The following PRAMEF5 variants were observed in gnomAD, a reference collection of about 807,000 sequenced individuals.
PRAMEF5 encodes the protein PRAME family member 5, also known as PRAME family member 23.
A neutral mutation model predicts 16.4 loss-of-function variants in PRAMEF5; 5 were observed. The observed-to-expected ratio is 0.30, with a 90% confidence interval of 0.16 to 0.64. PRAMEF5 has a LOEUF of 0.64. Ranked by LOEUF, PRAMEF5 falls within the 30% of genes least tolerant of loss-of-function variation. The pLI, the probability that PRAMEF5 is intolerant of heterozygous loss-of-function variation, is 0.80. For missense variants in PRAMEF5, 36 were observed against 282.9 expected (o/e 0.13, Z 6.26); for synonymous variants, 19 against 107.3 (o/e 0.18, Z 5.09).
chr1:13,255,837 A>C (rs1356268118), intron 1 of PRAMEF5: 1 of 137,010 alleles, frequency 7.3e-6, no homozygotes, highest in African/African-American at 2.6e-5. Flanking sequence ...GCTGGAGTTC[A>C]GTGGTGTATT....
intron 1 of PRAMEF5, chr1:13,255,826 G>A (rs1181177802): frequency 7.4e-6 from 1 of 134,454 alleles, no homozygotes; most frequent in Non-Finnish European, 1.6e-5. Context: ...CTATTTCCCA[G>A]GCTGGAGTTC....
intron 1 of PRAMEF5, chr1:13,255,812 T>C (rs1255749622): frequency 1.6e-5 from 2 of 121,572 alleles, no homozygotes; most frequent in African/African-American, 5.6e-5. Context: ...TTTTTGAATC[T>C]AGCCTATTTC....
intron 2 of PRAMEF5, 145 bp from the exon 3 acceptor site, chr1:13,260,077 G>A (rs1362788096): frequency 7.4e-7 from 1 of 1,346,860 alleles, no homozygotes; most frequent in African/African-American, 1.4e-5. Context: ...TGTGGAAGTG[G>A]GCAGGATCCA....
chr1:13,255,988 G>T (rs1485422914), intron 1 of PRAMEF5: 1 of 143,856 alleles, frequency 7.0e-6, no homozygotes, highest in East Asian at 2.2e-4. Flanking sequence ...TACCATGTTG[G>T]CCAGGCTTGT....
At chr1:13,263,094 G>C in exon 4 of PRAMEF5, 1 of 1,197,972 alleles carries the variant, frequency 8.3e-7, no homozygotes, top group Non-Finnish European at 1.2e-6. Flanking sequence ...CCTGGAGGCA[G>C]ATCAATGCTG....
At chr1:13,260,572 A>C in exon 3 of PRAMEF5, 2 of 761,128 alleles carry the variant, frequency 2.6e-6, no homozygotes, top group Non-Finnish European at 3.9e-6. Context: ...GTGGAAGTGA[A>C]TTGCAAGTGG....
chr1:13,260,092 GA>G, intron 2 of PRAMEF5, 129 bp from the exon 3 acceptor site: 1 of 1,478,936 alleles, frequency 6.8e-7, no homozygotes, highest in East Asian at 2.4e-5. Context: ...GATCCAAGGG[GA>G]AAACAGGGTG....
intron 2 of PRAMEF5, chr1:13,259,853 C>A (rs1639365126): frequency 3.2e-6 from 1 of 310,346 alleles, no homozygotes; most frequent in African/African-American, 2.6e-5. Flanking sequence ...AGTTGGAGGC[C>A]AGCCTGTCCA....
chr1:13,262,428 C>A lies in PRAMEF5; in HGVS notation c.870-122C>A. ...ATCATCCTAAATGTTGACCATCAGGCCATCAGAATGACCCTGGACTTGGGC... is the reference window on the plus strand; with the variant it reads ...ATCATCCTAAATGTTGACCATCAGGACATCAGAATGACCCTGGACTTGGGC... On this transcript the variant is annotated intron_variant, in intron 3 of 3. Transcript: ENST00000622421. 4 of 493,248 alleles carry A rather than the reference C, an allele frequency of 8.1e-6. 1 individual carries two copies. The highest frequency in any genetic ancestry group is 1.2e-5 in the Non-Finnish European group (4 of 342,224). The allele number at this position is 493,248 out of a possible 1,614,324, so 30.6% of individuals were successfully genotyped here.
At chr1:13,260,338 T>G in exon 3 of PRAMEF5, 3 of 1,599,280 alleles carry the variant, frequency 1.9e-6, no homozygotes, top group Non-Finnish European at 2.6e-6. Flanking sequence ...AAAAAACCAG[T>G]GCAGGACTGT....
intron 3 of PRAMEF5, chr1:13,262,143 C>A (rs1447120468): frequency 2.2e-5 from 3 of 136,950 alleles, no homozygotes; most frequent in African/African-American, 8.8e-5. Flanking sequence ...CTCACTGCAA[C>A]CTACACCTCC....
chr1:13,260,058 A>T (rs1553173669), intron 2 of PRAMEF5, 164 bp from the exon 3 acceptor site: 25 of 1,084,594 alleles, frequency 2.3e-5, no homozygotes, highest in Admixed American at 5.0e-5. Context: ...CAAAAGAAAA[A>T]CAAAAAAATG....
At chr1:13,255,507 T>TTC (rs1553193038) in intron 1 of PRAMEF5, 3 of 23,842 alleles carry the variant, frequency 1.3e-4, no homozygotes, top group African/African-American at 3.0e-4. Flanking sequence ...CTTTCAAGTT[T>TTC]TTTCTTTCTG....
intron 2 of PRAMEF5, 153 bp from the exon 3 acceptor site, chr1:13,260,069 T>G: frequency 2.4e-6 from 3 of 1,228,294 alleles, no homozygotes. Context: ...CAAAAAAATG[T>G]GGAAGTGGGC....
intron 2 of PRAMEF5, 116 bp from the exon 3 acceptor site, chr1:13,260,106 G>T (rs1280777736): frequency 6.5e-7 from 1 of 1,527,954 alleles, no homozygotes; most frequent in East Asian, 2.3e-5. Flanking sequence ...ACAGGGTGAA[G>T]AAAAGTCAGA....
At chr1:13,255,776 C>CTTTTTT (rs1174990976) in intron 1 of PRAMEF5, 165 of 21,646 alleles carry the variant, frequency 7.6e-3, no homozygotes, top group Non-Finnish European at 0.01. Context: ...TTTTCTTTTT[C>CTTTTTT]TTTTTTTTTT....
At chr1:13,261,167 G>C (rs2100218234) in intron 3 of PRAMEF5, 437 of 6,020 alleles carry the variant, frequency 0.073, 2 homozygotes, top group African/African-American at 0.23. Context: ...CTAGCAGTTT[G>C]GGAGTCTGAG....
chr1:13,260,054 A>T, intron 2 of PRAMEF5, 168 bp from the exon 3 acceptor site: 1 of 1,025,954 alleles, frequency 9.7e-7, no homozygotes, highest in East Asian at 2.8e-5. Flanking sequence ...GTCTCAAAAG[A>T]AAAACAAAAA....
intron 1 of PRAMEF5, chr1:13,255,939 A>T (rs1306279297): frequency 2.7e-5 from 4 of 148,582 alleles, no homozygotes; most frequent in Non-Finnish European, 6.1e-5. Flanking sequence ...AGACCACCGC[A>T]ACTGGCTAAT....
Sources: allele counts gnomAD v4.1 joint callset, GRCh38; gene constraint gnomAD v4.1.1; transcripts MANE v1.5; gene names NCBI Gene and HGNC (gene_info 2026-07-23, HGNC 2026-07-21).